The following STK10 variants were observed in gnomAD, a reference collection of about 807,000 sequenced individuals.
STK10 encodes the protein serine/threonine kinase 10, also known as serine/threonine-protein kinase 10.
In STK10, 78 loss-of-function variants were observed where a neutral mutation model predicts 113.8. The observed-to-expected ratio is 0.69, with a 90% CI of 0.57 to 0.83. The LOEUF is 0.83. Ranked by LOEUF, STK10 falls within the 40% of genes least tolerant of loss-of-function variation. The probability of loss-of-function intolerance (pLI) is 0.00; values close to 1 mark genes in which losing one functional copy is unlikely to be tolerated. For missense variants in STK10, 1,109 were observed against 1,280.1 expected (o/e 0.87, Z 2.04); for synonymous variants, 465 against 494.7 (o/e 0.94, Z 0.80).
chr5:172,081,354 A>C (rs1292814643), intron 12 of STK10, among the ~76,000 whole-genome samples: 1 of 148,806 alleles, frequency 6.7e-6, no homozygotes, highest in African/African-American at 2.5e-5. Context: ...CCATCTCCAA[A>C]AAAAAAAAAA....
intron 10 of STK10, among the ~76,000 whole-genome samples, chr5:172,089,485 A>AGTGG (rs1385197649): frequency 1.5e-5 from 2 of 129,126 alleles, no homozygotes; most frequent in East Asian, 4.0e-4. Flanking sequence ...TGGGTAGATG[A>AGTGG]GTGGGTGGGT....
At chr5:172,183,861 C>T (rs1770906020) in intron 1 of STK10, among the ~76,000 whole-genome samples, 1 of 152,144 alleles carries the variant, frequency 6.6e-6, no homozygotes, top group African/African-American at 2.4e-5. Flanking sequence ...TGACTTTGCA[C>T]AAAATCAATC....
At chr5:172,114,473 A>ATATATATATATATATT (rs1226289994) in intron 4 of STK10, 2 of 47,544 alleles carry the variant, frequency 4.2e-5, no homozygotes, top group African/African-American at 1.4e-4. Flanking sequence ...ATATATATAT[A>ATATATATATATATATT]TTTTTTTTTT....
At chr5:172,157,521 A>C (rs1003462944) in intron 1 of STK10, among the ~76,000 whole-genome samples, 2 of 152,154 alleles carry the variant, frequency 1.3e-5, no homozygotes, top group Non-Finnish European at 1.5e-5. Context: ...ACACCATTGC[A>C]CTCCAGCCTG....
intron 7 of STK10, among the ~76,000 whole-genome samples, chr5:172,102,397 C>T (rs1158320985): frequency 6.6e-6 from 1 of 152,120 alleles, no homozygotes; most frequent in Non-Finnish European, 1.5e-5. Flanking sequence ...GCGAAAAGAT[C>T]CAAGTGCTCA....
chr5:172,167,684 T>C (rs1463689373), intron 1 of STK10, among the ~76,000 whole-genome samples: 2 of 152,214 alleles, frequency 1.3e-5, no homozygotes, highest in Non-Finnish European at 2.9e-5. Context: ...TAGCCGCACG[T>C]GGCTATTTAA....
chr5:172,187,792 C>G lies in STK10; in HGVS notation c.156+95G>C. On this transcript the variant is annotated intron_variant, in intron 1 of 18. Transcript: ENST00000176763. The surrounding 1 kb of genome is among the most constrained non-coding windows in gnomAD (Gnocchi z 4.6). ...CCCGAATTCAGCGCCGGGCAGCCCTCGGAGCCGGAGCCAGGCTGGCCGGGT... is the reference window on the plus strand; with the variant it reads ...CCCGAATTCAGCGCCGGGCAGCCCTGGGAGCCGGAGCCAGGCTGGCCGGGT... 5.9e-6 allele frequency: 9 copies of G among 1,526,316 alleles called. No individual in the cohort carries two copies. In the South Asian group the frequency reaches 9.6e-5, roughly 16 times the overall value. 94.5% of individuals were successfully genotyped at this position (1,526,316 alleles called of 1,614,324 possible).
chr5:172,051,883 G>A (rs549808755), intron 18 of STK10, among the ~76,000 whole-genome samples: 2 of 152,308 alleles, frequency 1.3e-5, no homozygotes, highest in South Asian at 2.1e-4. Context: ...CTCAGTGGGT[G>A]GAGGAAGAAA....
At chr5:172,060,249 A>T (rs1213017602) in intron 14 of STK10, among the ~76,000 whole-genome samples, 1 of 152,142 alleles carries the variant, frequency 6.6e-6, no homozygotes, top group African/African-American at 2.4e-5. Context: ...TACACAAAAA[A>T]CACAAAAATT....
chr5:172,092,736 C>T (rs1422656006), intron 9 of STK10: 1 of 152,228 alleles, frequency 6.6e-6, no homozygotes, highest in African/African-American at 2.4e-5. Flanking sequence ...AGTTTAGTAA[C>T]ACCCCGGGAT....
intron 10 of STK10, among the ~76,000 whole-genome samples, chr5:172,088,147 T>C (rs1768612841): frequency 6.6e-6 from 1 of 152,106 alleles, no homozygotes; most frequent in Non-Finnish European, 1.5e-5. Flanking sequence ...TGGGCTCAAG[T>C]GATCCTCTCA....
chr5:172,084,590 A>T (rs1410056987), intron 10 of STK10, among the ~76,000 whole-genome samples: 1 of 152,134 alleles, frequency 6.6e-6, no homozygotes, highest in African/African-American at 2.4e-5. Context: ...GGATTAAACC[A>T]TAAAACACTA....
At chr5:172,051,161 C>T (rs1767617936) in intron 18 of STK10, among the ~76,000 whole-genome samples, 1 of 152,000 alleles carries the variant, frequency 6.6e-6, no homozygotes, top group Non-Finnish European at 1.5e-5. Flanking sequence ...TAACATCATG[C>T]ATTGGTCACT....
chr5:172,187,435 C>T lies in STK10; in HGVS notation c.156+452G>A, dbSNP rs115988273. ...GTCCCTAGCTCCCAACCCGTCCAAGCGCAGCCGAGTTTCTCGGTCCACATC... is the reference window on the plus strand; with the variant it reads ...GTCCCTAGCTCCCAACCCGTCCAAGTGCAGCCGAGTTTCTCGGTCCACATC... On this transcript the variant is annotated intron_variant, in intron 1 of 18. Coordinates refer to ENST00000176763, the MANE Select transcript of STK10 (RefSeq NM_005990.4). This position sits in a 1 kb window ranked among gnomAD's most constrained non-coding sequence, Gnocchi z 4.6. Among the ~76,000 whole-genome samples, 1,335 of 152,194 alleles carry T rather than the reference C, an allele frequency of 8.8e-3. 26 individuals carry two copies. The highest frequency in any genetic ancestry group is 0.031 in the African/African-American group (1,288 of 41,516).
At chr5:172,089,419 T>TGGATGGATGGATGGATGGAA (rs1554118120) in intron 10 of STK10, among the ~76,000 whole-genome samples, 6 of 149,672 alleles carry the variant, frequency 4.0e-5, no homozygotes, top group African/African-American at 1.5e-4. Flanking sequence ...GATGGATGGA[T>TGGATGGATGGATGGATGGAA]GGATGGATGG....
Position 172,133,529 on chromosome 5 carries a change from G to A in STK10, c.322-6108C>T, listed in dbSNP as rs890114847. On this transcript the variant is annotated intron_variant, in intron 2 of 18. Transcript: ENST00000176763. The surrounding 1 kb of genome is among the most constrained non-coding windows in gnomAD (Gnocchi z 4.9). ...TGCCTCGTGCCCTGACTCAGGGCTGGTGTCATCAGAGCTAAGCTGGTGAGT... is the reference window on the plus strand; with the variant it reads ...TGCCTCGTGCCCTGACTCAGGGCTGATGTCATCAGAGCTAAGCTGGTGAGT... Among the ~76,000 whole-genome samples the A allele has an allele frequency of 4.6e-5, 7 of 152,170 alleles. No homozygotes were observed. Among genetic ancestry groups the A allele is most frequent in the African/African-American group, 1.7e-4 (7 of 41,446 alleles).
chr5:172,080,050 T>C (rs1768397451), intron 12 of STK10, among the ~76,000 whole-genome samples: 1 of 152,234 alleles, frequency 6.6e-6, no homozygotes, highest in Non-Finnish European at 1.5e-5. Context: ...ATGTGCTCAC[T>C]TCCTGTCTGT....
chr5:172,095,849 C>T (rs927466037), intron 8 of STK10, among the ~76,000 whole-genome samples: 2 of 152,336 alleles, frequency 1.3e-5, no homozygotes, highest in South Asian at 2.1e-4. Flanking sequence ...CCAGGGATTA[C>T]GGAGCAACAG....
chr5:172,185,386 A>G (rs1339621464), intron 1 of STK10, among the ~76,000 whole-genome samples: 1 of 152,090 alleles, frequency 6.6e-6, no homozygotes, highest in Non-Finnish European at 1.5e-5. Context: ...CTCTTGCCTC[A>G]GCCTCCTGAG....
Sources: allele counts gnomAD v4.1 joint callset (sites outside exome capture counted in the v4.1 genomes callset), GRCh38; gene constraint gnomAD v4.1.1; non-coding constraint Gnocchi (gnomAD v3.1); transcripts MANE v1.5; gene names NCBI Gene and HGNC (gene_info 2026-07-23, HGNC 2026-07-21).